Variants in IGSF10 observed in about 807,000 individuals in gnomAD.
IGSF10 encodes calvaria mechanical force protein 608.
IGSF10 carries 126 observed loss-of-function variants against 128.2 expected under a neutral mutation model. The observed-to-expected ratio is 0.98, with a 90% CI of 0.85 to 1.14. The LOEUF (loss-of-function observed/expected upper bound fraction) is 1.14, where lower values mean the gene tolerates loss of function less well. Ranked by LOEUF, IGSF10 falls within the 50% of genes most tolerant of loss-of-function variation. The probability of loss-of-function intolerance (pLI) is 0.00; values close to 1 mark genes in which losing one functional copy is unlikely to be tolerated. For missense variants in IGSF10, 3,295 were observed against 3,149.8 expected (o/e 1.05, Z -1.10); for synonymous variants, 1,185 against 1,146.2 (o/e 1.03, Z -0.68).
the IGSF10 span, among the ~76,000 whole-genome samples, chr3:151,492,570 T>C: frequency 9.9e-5 from 15 of 152,164 alleles, no homozygotes; most frequent in Non-Finnish European, 1.8e-4. Context: ...ATACAAAAAT[T>C]AGCTGGGTGT....
upstream of IGSF10, among the ~76,000 whole-genome samples, chr3:151,465,744 T>C (rs2108590600): frequency 6.6e-6 from 1 of 152,282 alleles, no homozygotes; most frequent in African/African-American, 2.4e-5. Flanking sequence ...ATACCAATGG[T>C]GCTGTTACAG....
At chr3:151,474,877 G>A in the IGSF10 span, among the ~76,000 whole-genome samples, 1 of 152,148 alleles carries the variant, frequency 6.6e-6, no homozygotes, top group Admixed American at 6.5e-5. Flanking sequence ...GATCTTGTGA[G>A]ACTTATTCAC....
chr3:151,440,464 C>T (rs777663355), intron 7 of IGSF10: 2 of 437,370 alleles, frequency 4.6e-6, no homozygotes, highest in Non-Finnish European at 9.2e-6. Context: ...AATACAAATA[C>T]ACCTAAAGGA....
the IGSF10 span, among the ~76,000 whole-genome samples, chr3:151,519,001 GACTTTAC>G: frequency 6.6e-6 from 1 of 151,798 alleles, no homozygotes; most frequent in Non-Finnish European, 1.5e-5. Context: ...TGTGCATTGG[GACTTTAC>G]ACTTAAAACT....
chr3:151,500,799 GGTT>G, the IGSF10 span, among the ~76,000 whole-genome samples: 1 of 152,038 alleles, frequency 6.6e-6, no homozygotes, highest in Non-Finnish European at 1.5e-5. Context: ...CCATTTATGG[GGTT>G]GTTGTTGTCA....
At chr3:151,477,142 AT>A in the IGSF10 span, among the ~76,000 whole-genome samples, 802 of 152,120 alleles carry the variant, frequency 5.3e-3, 7 homozygotes, top group African/African-American at 0.018. Flanking sequence ...TGCTTTACAA[AT>A]TTTTTTTAAA....
At chr3:151,453,864 A>G (rs1721644606) in intron 4 of IGSF10, 90 bp from the exon 5 acceptor site, 1 of 771,330 alleles carries the variant, frequency 1.3e-6, no homozygotes, top group African/African-American at 1.7e-5. Context: ...TTATGTTGAA[A>G]TTAATTCAGT....
the IGSF10 span, among the ~76,000 whole-genome samples, chr3:151,513,697 G>T: frequency 6.6e-6 from 1 of 152,178 alleles, no homozygotes; most frequent in African/African-American, 2.4e-5. Flanking sequence ...GTTTGCAGAT[G>T]ACATGATTGT....
At chr3:151,514,728 G>C in the IGSF10 span, among the ~76,000 whole-genome samples, 1 of 151,858 alleles carries the variant, frequency 6.6e-6, no homozygotes, top group Non-Finnish European at 1.5e-5. Context: ...TCTGACAAAG[G>C]GCTAATATCC....
chr3:151,558,031 G>GATATATA, the IGSF10 span, among the ~76,000 whole-genome samples: 8 of 3,212 alleles, frequency 2.5e-3, no homozygotes, highest in Non-Finnish European at 3.9e-3. Flanking sequence ...ATATATATTG[G>GATATATA]TACAATATGT....
At chr3:151,559,247 G>A in the IGSF10 span, among the ~76,000 whole-genome samples, 3 of 152,270 alleles carry the variant, frequency 2.0e-5, no homozygotes, top group African/African-American at 7.2e-5. Context: ...GCACAGGCAC[G>A]TACCTGAAGG....
chr3:151,434,709 ATT>A (rs2108505809), downstream of IGSF10: 1 of 152,328 alleles, frequency 6.6e-6, no homozygotes, highest in African/African-American at 2.4e-5. Context: ...TTCCATCATT[ATT>A]TCTTTCCAAA....
the IGSF10 span, among the ~76,000 whole-genome samples, chr3:151,558,461 T>C: frequency 3.3e-5 from 5 of 152,046 alleles, no homozygotes; most frequent in Non-Finnish European, 7.4e-5. Flanking sequence ...ACTCTTGCTA[T>C]ACTATTGGGG....
At chr3:151,575,161 T>C in the IGSF10 span, among the ~76,000 whole-genome samples, 2 of 152,212 alleles carry the variant, frequency 1.3e-5, no homozygotes, top group African/African-American at 4.8e-5. Flanking sequence ...CAGCCCCTAC[T>C]GGAAGGTGTC....
At chr3:151,544,157 C>A in the IGSF10 span, among the ~76,000 whole-genome samples, 1 of 152,234 alleles carries the variant, frequency 6.6e-6, no homozygotes, top group Non-Finnish European at 1.5e-5. Flanking sequence ...GATCCACCTG[C>A]CTCAGCCTCC....
At chr3:151,604,559 A>G in the IGSF10 span, among the ~76,000 whole-genome samples, 1 of 151,374 alleles carries the variant, frequency 6.6e-6, no homozygotes, top group Non-Finnish European at 1.5e-5. Flanking sequence ...GTTGGGAGAT[A>G]TATTAGGATT....
the IGSF10 span, among the ~76,000 whole-genome samples, chr3:151,520,896 T>TA: frequency 6.6e-6 from 1 of 151,290 alleles, no homozygotes; most frequent in Admixed American, 6.6e-5. Flanking sequence ...CTTGAATGTA[T>TA]AAAAAATGGC....
In IGSF10 at chr3:151,457,067, T is replaced by C. The variant is rs772529612; in HGVS notation, c.283A>G (p.Thr95Ala). 1 of 1,614,196 alleles carries C rather than the reference T, an allele frequency of 6.2e-7. No individual in the cohort carries two copies. Residue 95 changes from threonine to alanine, a missense_variant, in exon 4 of 8, where the codon ACA (threonine) becomes GCA (alanine). Physicochemically the swap from Thr to Ala is moderately conservative, Grantham distance 58. Coordinates refer to ENST00000282466, the MANE Select transcript of IGSF10 (RefSeq NM_178822.5). ...TCTGAGAAGGTCTTGTCAGGGATTG[T>C]GTGAATGCCATTGCTGTGAAGCATG... is the stretch of plus-strand genomic sequence containing the variant. ...LLMLHSNGIH[T>A]IPDKTFSDLQ... is the part of the protein sequence containing the mutation.
In IGSF10 at chr3:151,437,133, C is replaced by T. The variant is rs751159382; in HGVS notation, c.7428G>A (p.Arg2476=). ...ATATGTATTTCCCATTAATTTGAGG[C>T]CTGTCTACTACATAACCACTTGGCA... ...WTMPSGYVVD[R]PQINGKYILH... The change falls in exon 8 of 8, where the codon AGG becomes AGA. Residue 2476 remains arginine (R), a synonymous_variant. Transcript: ENST00000282466. The T allele has an allele frequency of 4.3e-6, 7 of 1,614,140 alleles. No individual in the cohort carries two copies. The highest frequency in any genetic ancestry group is 2.2e-5 in the East Asian group (1 of 44,878).
Sources: allele counts gnomAD v4.1 joint callset (sites outside exome capture counted in the v4.1 genomes callset), GRCh38; gene constraint gnomAD v4.1.1; transcripts MANE v1.5; gene names NCBI Gene and HGNC (gene_info 2026-07-23, HGNC 2026-07-21).